Variants in ASTN2 observed in about 807,000 individuals in gnomAD.
ASTN2 encodes the protein astrotactin-2.
A neutral mutation model predicts 139.8 loss-of-function variants in ASTN2; 54 were observed. The ratio of observed to expected loss-of-function variants is 0.39; its 90% CI spans 0.31 to 0.48. The LOEUF is 0.48. Among genes scored for constraint, ASTN2 ranks in the 20% least tolerant of loss-of-function variants. The probability of loss-of-function intolerance (pLI) is 0.95; values close to 1 mark genes in which losing one functional copy is unlikely to be tolerated. For synonymous variants in ASTN2, 756 were observed against 719.5 expected, an observed-to-expected ratio of 1.05 and a Z score of -0.81; for missense variants, 1,565 against 1,725.1, an observed-to-expected ratio of 0.91 and a Z score of 1.64.
At chr9:117,066,769 T>C (rs1199402143) in intron 5 of ASTN2, among the ~76,000 whole-genome samples, 1 of 152,116 alleles carries the variant, frequency 6.6e-6, no homozygotes, top group East Asian at 1.9e-4. Flanking sequence ...ATGATGAGCA[T>C]TTTTTCATGT....
chr9:116,976,080 C>G, intron 9 of ASTN2, 34 bp downstream of exon 9: 1 of 1,603,596 alleles, frequency 6.2e-7, no homozygotes, highest in Non-Finnish European at 8.5e-7. Flanking sequence ...TCTCCATTTC[C>G]CAGAATTATG....
intron 20 of ASTN2, among the ~76,000 whole-genome samples, chr9:116,448,423 A>G (rs1373080187): frequency 1.3e-5 from 2 of 152,224 alleles, no homozygotes; most frequent in African/African-American, 4.8e-5. Context: ...TCTATGCTTC[A>G]GCCTCCCATC....
intron 1 of ASTN2, among the ~76,000 whole-genome samples, chr9:117,367,046 T>C (rs1468053260): frequency 2.0e-5 from 3 of 152,172 alleles, no homozygotes; most frequent in Non-Finnish European, 4.4e-5. Flanking sequence ...GTTCTGGGAT[T>C]ACAAGTGTGA....
chr9:116,834,361 A>C (rs887483280), intron 11 of ASTN2, among the ~76,000 whole-genome samples: 2 of 152,126 alleles, frequency 1.3e-5, no homozygotes, highest in Non-Finnish European at 2.9e-5. Context: ...ACTCCTGTCT[A>C]GTTCTTCTAT....
chr9:117,027,110 G>A (rs188569303), intron 6 of ASTN2, among the ~76,000 whole-genome samples: 29 of 152,240 alleles, frequency 1.9e-4, no homozygotes, highest in Middle Eastern at 3.4e-3. Context: ...CTGAAAGGAC[G>A]GTGATGGCAA....
chr9:116,691,720 C>T (rs1860576959), intron 16 of ASTN2, among the ~76,000 whole-genome samples: 1 of 152,178 alleles, frequency 6.6e-6, no homozygotes, highest in African/African-American at 2.4e-5. Flanking sequence ...TCCTCTCCCA[C>T]ACACAGGAGT....
chr9:117,216,880 TG>T (rs773808789), intron 2 of ASTN2, among the ~76,000 whole-genome samples: 5 of 152,202 alleles, frequency 3.3e-5, no homozygotes, highest in South Asian at 2.1e-4. Context: ...CTTTACTGAA[TG>T]TTTTTTTATT....
chr9:117,414,630 C>G lies in ASTN2; in HGVS notation c.309G>C (p.Ala103=). The change falls in exon 1 of 23, where the codon GCG becomes GCC. Residue 103 remains alanine (A), a synonymous_variant. Transcript: ENST00000313400. This position sits in a 1 kb window ranked among gnomAD's most constrained non-coding sequence, Gnocchi z 4.2. Reference sequence around the variant, plus strand: ...CGGCAGAGCCAGGAGAGCCCGGGGACGCGGCGGCGGCGGCGGCTCCGGCCC... The same window carrying G: ...CGGCAGAGCCAGGAGAGCCCGGGGAGGCGGCGGCGGCGGCGGCTCCGGCCC... The part of the protein sequence containing the change: ...GTGAGAAAAA[A]SPGSPGSAGT... 1 of 1,436,560 alleles carries G rather than the reference C, an allele frequency of 7.0e-7. No homozygotes were observed. The highest frequency in any genetic ancestry group is 9.1e-7 in the Non-Finnish European group (1 of 1,100,042). 89.0% of individuals were successfully genotyped at this position (1,436,560 alleles called of 1,614,324 possible). A position where few individuals can be genotyped will look rare whatever the true frequency, so the allele number is the denominator to read the frequency against.
intron 5 of ASTN2, among the ~76,000 whole-genome samples, chr9:117,046,049 G>A (rs1838734183): frequency 6.6e-6 from 1 of 151,794 alleles, no homozygotes; most frequent in Non-Finnish European, 1.5e-5. Flanking sequence ...CACCCAGGCT[G>A]GAGTGCAGTG....
chr9:117,412,707 T>G (rs1831202262), intron 1 of ASTN2, among the ~76,000 whole-genome samples: 1 of 152,020 alleles, frequency 6.6e-6, no homozygotes, highest in Admixed American at 6.6e-5. Flanking sequence ...ACCCCTCATC[T>G]CTCAGAGTAC....
At chr9:117,045,882 A>G (rs556466926) in intron 5 of ASTN2, among the ~76,000 whole-genome samples, 1 of 152,178 alleles carries the variant, frequency 6.6e-6, no homozygotes. Context: ...GGATTCTAGA[A>G]ACTGGAGACA....
chr9:117,291,283 C>T (rs752990007), intron 2 of ASTN2, 43 bp downstream of exon 2: 2 of 1,606,672 alleles, frequency 1.2e-6, no homozygotes, highest in African/African-American at 1.3e-5. Context: ...CCATTCCTCC[C>T]CCACGCAATC....
chr9:116,804,798 T>C (rs1020008060), intron 13 of ASTN2, among the ~76,000 whole-genome samples: 3 of 152,256 alleles, frequency 2.0e-5, no homozygotes, highest in East Asian at 1.9e-4. Flanking sequence ...ATAATATCTT[T>C]TTTTTTATGC....
At chr9:117,082,492 T>C (rs551293620) in intron 5 of ASTN2, among the ~76,000 whole-genome samples, 3 of 152,346 alleles carry the variant, frequency 2.0e-5, no homozygotes, top group Admixed American at 1.3e-4. Flanking sequence ...CTTTCTCTTC[T>C]GTAGAAAGTG....
intron 20 of ASTN2, among the ~76,000 whole-genome samples, chr9:116,472,168 G>A (rs1848833120): frequency 6.6e-6 from 1 of 152,034 alleles, no homozygotes; most frequent in South Asian, 2.1e-4. Context: ...ACGTTATGAG[G>A]CCTTGCAAGT....
chr9:117,025,222 G>C (rs1838027520), intron 6 of ASTN2, among the ~76,000 whole-genome samples: 2 of 152,158 alleles, frequency 1.3e-5, no homozygotes, highest in Non-Finnish European at 2.9e-5. Context: ...CTGAGGATGA[G>C]ATGCCCAAGG....
chr9:117,266,338 A>T (rs904702485), intron 2 of ASTN2, among the ~76,000 whole-genome samples: 11 of 152,184 alleles, frequency 7.2e-5, no homozygotes, highest in Admixed American at 2.6e-4. Flanking sequence ...ACACAAAAAC[A>T]TACAAACAAT....
intron 2 of ASTN2, among the ~76,000 whole-genome samples, chr9:117,257,226 C>T (rs1292704167): frequency 6.6e-6 from 1 of 152,158 alleles, no homozygotes; most frequent in Non-Finnish European, 1.5e-5. Flanking sequence ...TACTATCTTA[C>T]TAATGGGTCT....
chr9:116,490,564 AGAAAAGG>A (rs1391822708), intron 19 of ASTN2, among the ~76,000 whole-genome samples: 1 of 152,180 alleles, frequency 6.6e-6, no homozygotes, highest in Non-Finnish European at 1.5e-5. Context: ...TAACTCATAA[AGAAAAGG>A]GATTTAATTG....
Sources: gnomAD v4.1 joint callset for allele counts (sites outside exome capture counted in the v4.1 genomes callset) on GRCh38, gnomAD v4.1.1 for gene constraint, Gnocchi (gnomAD v3.1) non-coding constraint, MANE v1.5 for transcripts, NCBI Gene and HGNC (gene_info 2026-07-23, HGNC 2026-07-21) for gene names.